The following DGKD variants were observed in gnomAD, a reference collection of about 807,000 sequenced individuals.
DGKD encodes diacylglycerol kinase delta, also known as DAG kinase delta.
Under a neutral mutation model 154.4 loss-of-function variants are expected in DGKD, and 68 were observed. That is an observed-to-expected ratio of 0.44 (90% CI 0.36 to 0.54). The LOEUF (loss-of-function observed/expected upper bound fraction) is 0.54. Among genes scored for constraint, DGKD ranks in the 20% least tolerant of loss-of-function variants. DGKD has a pLI of 0.00. For missense variants in DGKD, 1,343 were observed against 1,593.6 expected, an observed-to-expected ratio of 0.84 and a Z score of 2.68; for synonymous variants, 693 against 638.0, an observed-to-expected ratio of 1.09 and a Z score of -1.30.
chr2:233,412,104 A>T (rs921147872), intron 3 of DGKD, among the ~76,000 whole-genome samples: 3 of 152,144 alleles, frequency 2.0e-5, no homozygotes, highest in Non-Finnish European at 4.4e-5. Context: ...TAGCATTTTC[A>T]TATAAATTTT....
At chr2:233,386,988 C>G (rs2125434067) in intron 1 of DGKD, among the ~76,000 whole-genome samples, 1 of 152,312 alleles carries the variant, frequency 6.6e-6, no homozygotes, top group South Asian at 2.1e-4. Context: ...GTCCTGGTGT[C>G]CGTCCACATG....
intron 3 of DGKD, among the ~76,000 whole-genome samples, chr2:233,399,667 G>C (rs2061510254): frequency 6.6e-6 from 1 of 152,184 alleles, no homozygotes; most frequent in Admixed American, 6.5e-5. Flanking sequence ...TTTTTTGTCA[G>C]AGCTGTGGGA....
At chr2:233,404,044 C>T (rs1001334260) in intron 3 of DGKD, among the ~76,000 whole-genome samples, 7 of 145,304 alleles carry the variant, frequency 4.8e-5, no homozygotes, top group African/African-American at 1.7e-4. Context: ...TTTTGTGTTA[C>T]AAAATTACAT....
In DGKD at chr2:233,388,698, C is replaced by A. The variant is rs905880332; in HGVS notation, c.267+331C>A. The A allele has an allele frequency of 1.2e-4, 19 of 160,506 alleles. No individual in the cohort carries two copies. The East Asian group carries it at 1.3e-3, about 11-fold the overall frequency. The allele number at this position is 160,506 out of a possible 1,614,324, so 9.9% of individuals were successfully genotyped here. ...ATCACGGGGCTATGAATTTCATCTT[C>A]TTATTATTAAATAATTTTTATTCTT... On this transcript the variant is annotated intron_variant, in intron 2 of 29. Coordinates refer to ENST00000264057, the MANE Select transcript of DGKD (RefSeq NM_152879.3).
chr2:233,430,772 C>G (rs1414741616), intron 3 of DGKD, among the ~76,000 whole-genome samples: 2 of 152,116 alleles, frequency 1.3e-5, no homozygotes, highest in African/African-American at 4.8e-5. Flanking sequence ...CCCTGTTTAC[C>G]TCCTGTCAGT....
At chr2:233,370,424 C>T (rs1702251890) in intron 1 of DGKD, among the ~76,000 whole-genome samples, 1 of 151,716 alleles carries the variant, frequency 6.6e-6, no homozygotes, top group Admixed American at 6.6e-5. Flanking sequence ...ATGTTGTGGC[C>T]AGGCTGGTCT....
intron 7 of DGKD, 41 bp downstream of exon 7, chr2:233,436,482 G>T (rs777108301): frequency 3.8e-6 from 6 of 1,594,840 alleles, no homozygotes; most frequent in South Asian, 2.2e-5. Flanking sequence ...GGGAGGGCTT[G>T]CTCCCTACCG....
At chr2:233,463,397 T>A (rs1462372001) in intron 26 of DGKD, among the ~76,000 whole-genome samples, 4 of 137,136 alleles carry the variant, frequency 2.9e-5, no homozygotes, top group African/African-American at 8.4e-5. Context: ...TCCACACATC[T>A]CCTCACTCCA....
rs750203784 is a variant in DGKD, at chr2:233,459,249, C to T, written c.2695-508C>T. ...CTGATGACACCCACTGGCTGAACCC[C>T]ACCCTGCGACTGTCTGGTGTCTTCC... On this transcript the variant is annotated intron_variant, in intron 22 of 29. Coordinates refer to ENST00000264057, the MANE Select transcript of DGKD (RefSeq NM_152879.3). This position sits in a 1 kb window ranked among gnomAD's most constrained non-coding sequence, Gnocchi z 5.7. Among the ~76,000 whole-genome samples the T allele has an allele frequency of 6.6e-6, 1 of 152,158 alleles. No individual in the cohort carries two copies. Among genetic ancestry groups the T allele is most frequent in the African/African-American group, 2.4e-5 (1 of 41,454 alleles).
chr2:233,435,096 A>C (rs59249585), intron 5 of DGKD, among the ~76,000 whole-genome samples, 195 bp downstream of exon 5: 1 of 152,338 alleles, frequency 6.6e-6, no homozygotes, highest in East Asian at 1.9e-4. Flanking sequence ...CATTTTTTAT[A>C]GTGCTCAGAG....
chr2:233,408,649 C>T (rs2061746168), intron 3 of DGKD, among the ~76,000 whole-genome samples: 1 of 152,228 alleles, frequency 6.6e-6, no homozygotes, highest in Non-Finnish European at 1.5e-5. Flanking sequence ...TTCATTCTCC[C>T]ATCTGCCAAT....
At chr2:233,393,927 T>C (rs13400041) in intron 3 of DGKD, among the ~76,000 whole-genome samples, 2,256 of 151,644 alleles carry the variant, frequency 0.015, 53 homozygotes, top group African/African-American at 0.052. Context: ...GTGCCCACCT[T>C]GGCCACCCAA....
chr2:233,357,352 G>C (rs937910361), intron 1 of DGKD, among the ~76,000 whole-genome samples: 1 of 152,116 alleles, frequency 6.6e-6, no homozygotes, highest in Admixed American at 6.5e-5. Flanking sequence ...TAAAATATTA[G>C]TCTAGTGCAA....
intron 19 of DGKD, among the ~76,000 whole-genome samples, chr2:233,456,211 G>C (rs549352513): frequency 3.3e-5 from 5 of 152,334 alleles, no homozygotes; most frequent in African/African-American, 1.2e-4. Flanking sequence ...GGGACTCCTA[G>C]CGTGTCATTT....
chr2:233,449,523 C>A lies in DGKD; in HGVS notation c.1888+147C>A. 1 of 1,187,290 alleles carries A rather than the reference C, an allele frequency of 8.4e-7. No individual in the cohort carries two copies. Among genetic ancestry groups the A allele is most frequent in the Non-Finnish European group, 1.1e-6 (1 of 871,174 alleles). 73.5% of individuals were successfully genotyped at this position (1,187,290 alleles called of 1,614,324 possible). On this transcript the variant is annotated intron_variant, in intron 15 of 29. Transcript: ENST00000264057. The surrounding 1 kb of genome is among the most constrained non-coding windows in gnomAD (Gnocchi z 5.3). ...CACCCATGTCCAGGCACCAGACCCC[C>A]AACGAGTTCGCTTGCCCTCCTTCCA...
In DGKD at chr2:233,438,762, CTATCTATCT is replaced by C. The variant is rs1559549720; in HGVS notation, c.1085+384_1085+392del. 1.0e-3 allele frequency among the ~76,000 whole-genome samples: 89 copies of C among 88,346 alleles called. No homozygotes were observed. Among genetic ancestry groups the C allele is most frequent in the African/African-American group, 2.7e-3 (80 of 29,124 alleles). The allele number at this position is 88,346 out of a possible 152,430, so 58.0% of individuals were successfully genotyped here. A position where few individuals can be genotyped will look rare whatever the true frequency, so the allele number is the denominator to read the frequency against. Reference sequence around the variant, plus strand: ...ATTTATCTGTCTATCTATCATCTATCTATCTATCTATCTATCTATCTATCTATCTATCTA... The same window carrying C: ...ATTTATCTGTCTATCTATCATCTATCATCTATCTATCTATCTATCTATCTA... On this transcript the variant is annotated intron_variant, in intron 9 of 29. Transcript: ENST00000264057. The surrounding 1 kb of genome is among the most constrained non-coding windows in gnomAD (Gnocchi z 4.1).
chr2:233,406,969 A>G (rs1455861680), intron 3 of DGKD, among the ~76,000 whole-genome samples: 3 of 152,216 alleles, frequency 2.0e-5, no homozygotes, highest in Non-Finnish European at 2.9e-5. Flanking sequence ...TGAATAGTTT[A>G]TGGTATCAAG....
Position 233,357,009 on chromosome 2 carries a change from G to T in DGKD, c.156+2335G>T, listed in dbSNP as rs1467856361. On this transcript the variant is annotated intron_variant, in intron 1 of 29. Transcript: ENST00000264057. Reference sequence around the variant, plus strand: ...GTCACACAGGTGATGTGAGAACTGAGAATGCAGGCTGCAATGAGGCAAGCC... The same window carrying T: ...GTCACACAGGTGATGTGAGAACTGATAATGCAGGCTGCAATGAGGCAAGCC... Among the ~76,000 whole-genome samples, 3 of 151,852 alleles carry T rather than the reference G, an allele frequency of 2.0e-5. 1 individual carries two copies. In the East Asian group the frequency reaches 5.8e-4, roughly 29 times the overall value.
At chr2:233,375,789 T>C (rs978427510) in intron 1 of DGKD, among the ~76,000 whole-genome samples, 1 of 152,166 alleles carries the variant, frequency 6.6e-6, no homozygotes, top group African/African-American at 2.4e-5. Flanking sequence ...ATTAATCACA[T>C]CAGCCTGTGT....
Sources: gnomAD v4.1 joint callset for allele counts (sites outside exome capture counted in the v4.1 genomes callset) on GRCh38, gnomAD v4.1.1 for gene constraint, Gnocchi (gnomAD v3.1) non-coding constraint, MANE v1.5 for transcripts, NCBI Gene and HGNC (gene_info 2026-07-23, HGNC 2026-07-21) for gene names.